CEP152: variants seen among roughly 807,000 people sequenced by gnomAD.
The protein encoded by CEP152 is centrosomal protein of 152 kDa.
CEP152 carries 132 observed loss-of-function variants against 188.9 expected under a neutral mutation model. The ratio of observed to expected loss-of-function variants is 0.70; its 90% CI spans 0.61 to 0.81. The LOEUF is 0.81. Among genes scored for constraint, CEP152 ranks in the 30% least tolerant of loss-of-function variants. The probability of loss-of-function intolerance (pLI) is 0.00; values close to 1 mark genes in which losing one functional copy is unlikely to be tolerated. For missense variants in CEP152, 1,914 were observed against 1,969.8 expected (o/e 0.97, Z 0.54); for synonymous variants, 649 against 666.6 (o/e 0.97, Z 0.41).
At chr15:48,802,378 A>G (rs188208731) in intron 2 of CEP152, among the ~76,000 whole-genome samples, 1 of 152,294 alleles carries the variant, frequency 6.6e-6, no homozygotes, top group Non-Finnish European at 1.5e-5. Flanking sequence ...TGTGACAATT[A>G]ATTGATATTA....
In CEP152 at chr15:48,739,060, A is replaced by G. The variant is rs767421643; in HGVS notation, c.4322T>C (p.Leu1441Ser). ...IKHVGSKETH[L>S]EFQFGDGSCK... ...ACTACCATCCCCAAACTGGAATTCC[A>G]AATGTGTCTCTTTGGATCCCACATG... The change falls in exon 27 of 27, where the codon TTG becomes TCG. Residue 1441 changes from leucine to serine, a missense_variant. Physicochemically the swap from Leu to Ser is moderately radical, Grantham distance 145. Transcript: ENST00000380950. The G allele has an allele frequency of 6.2e-7, 1 of 1,614,204 alleles. No individual in the cohort carries two copies. Among genetic ancestry groups the G allele is most frequent in the Non-Finnish European group, 8.5e-7 (1 of 1,180,022 alleles).
At chr15:48,740,764 C>T (rs1241048202) in intron 26 of CEP152, 1 of 151,166 alleles carries the variant, frequency 6.6e-6, no homozygotes, top group Non-Finnish European at 1.5e-5. Context: ...CAAGTCGGCT[C>T]CCAGTTCCTG....
chr15:48,798,682 G>A (rs1018801505), intron 2 of CEP152, among the ~76,000 whole-genome samples: 4 of 152,166 alleles, frequency 2.6e-5, no homozygotes, highest in Non-Finnish European at 5.9e-5. Flanking sequence ...GATAGCACAT[G>A]CAAAAGCATG....
chr15:48,805,535 C>CTCTTT, intron 2 of CEP152, 28 bp downstream of exon 2: 1 of 1,239,452 alleles, frequency 8.1e-7, no homozygotes, highest in Non-Finnish European at 1.1e-6. Context: ...TTTAGTGTCT[C>CTCTTT]TTTTTTTTTT....
At chr15:48,786,465 A>G (rs895823649) in intron 9 of CEP152, among the ~76,000 whole-genome samples, 2 of 152,214 alleles carry the variant, frequency 1.3e-5, no homozygotes, top group African/African-American at 4.8e-5. Flanking sequence ...TAAGAAAAAC[A>G]CTAATAATTT....
At chr15:48,748,361 AT>A in intron 22 of CEP152, 81 bp downstream of exon 22, 1 of 1,424,830 alleles carries the variant, frequency 7.0e-7, no homozygotes, top group Non-Finnish European at 9.2e-7. Context: ...CAGTGCACAC[AT>A]TAACTAAAAT....
chr15:48,740,614 A>ATT (rs1892882780), intron 26 of CEP152: 2 of 66,388 alleles, frequency 3.0e-5, no homozygotes, highest in African/African-American at 1.4e-4. Context: ...GGTTACTCTT[A>ATT]CTTTTTTTTT....
At chr15:48,797,237 C>G in intron 5 of CEP152, 64 bp downstream of exon 5, 3 of 1,576,050 alleles carry the variant, frequency 1.9e-6, no homozygotes, top group South Asian at 1.1e-5. Context: ...CCTGAACACA[C>G]ACAAACATCA....
At chr15:48,808,017 G>A (rs1164917271) in intron 1 of CEP152, among the ~76,000 whole-genome samples, 1 of 151,998 alleles carries the variant, frequency 6.6e-6, no homozygotes, top group African/African-American at 2.4e-5. Context: ...CTCCCCCACT[G>A]AAGAAGGTAT....
intron 2 of CEP152, 91 bp from the exon 3 acceptor site, chr15:48,798,142 G>A: frequency 1.1e-6 from 1 of 923,346 alleles, no homozygotes. Flanking sequence ...TTTTACTGTA[G>A]AGGTCAAAGA....
At chr15:48,801,939 CA>C (rs541543542) in intron 2 of CEP152, among the ~76,000 whole-genome samples, 2 of 151,594 alleles carry the variant, frequency 1.3e-5, no homozygotes, top group African/African-American at 4.8e-5. Flanking sequence ...ACTAAAAATA[CA>C]AAAAAAATTA....
In CEP152 at chr15:48,772,449, T is replaced by A. The variant is rs202189253; in HGVS notation, c.1782+38A>T. ...TGTAAAAGTTTTCTTTATTGAGCCT[T>A]TTAAAAATGGTTTTTTAACTCTATA... On this transcript the variant is annotated intron_variant, in intron 13 of 26. Transcript: ENST00000380950. 1.9e-6 allele frequency: 3 copies of A among 1,563,626 alleles called. No individual in the cohort carries two copies. In the East Asian group the frequency reaches 6.7e-5, roughly 35 times the overall value.
intron 3 of CEP152, 109 bp from the exon 4 acceptor site, chr15:48,797,839 T>C: frequency 6.6e-7 from 1 of 1,507,864 alleles, no homozygotes; most frequent in East Asian, 2.3e-5. Context: ...TCACCCAAAA[T>C]TTTAAGAATC....
intron 7 of CEP152, among the ~76,000 whole-genome samples, chr15:48,791,880 T>A (rs1050351713): frequency 2.6e-5 from 4 of 151,754 alleles, no homozygotes; most frequent in Non-Finnish European, 4.4e-5. Context: ...ACCAAAAAAA[T>A]TTTTTTAGAG....
downstream of CEP152, among the ~76,000 whole-genome samples, chr15:48,734,689 C>T (rs760270952): frequency 2.0e-5 from 3 of 151,670 alleles, no homozygotes; most frequent in Admixed American, 1.3e-4. Context: ...GAAAGACATG[C>T]CATGCAAACA....
intron 20 of CEP152, 93 bp downstream of exon 20, chr15:48,755,810 T>TA: frequency 6.3e-7 from 1 of 1,587,420 alleles, no homozygotes; most frequent in Non-Finnish European, 8.5e-7. Flanking sequence ...TTACATCTAC[T>TA]AAAATTTAAA....
At position 48,796,111 on chromosome 15, in the gene CEP152, G is replaced by A. The variant is rs772331237; in HGVS notation, c.590C>T (p.Pro197Leu). Residue 197 changes from proline to leucine, a missense_variant, in exon 6 of 27, where the codon CCT becomes CTT. Physicochemically the swap from Pro to Leu is moderately conservative, Grantham distance 98 (BLOSUM62 -3). Transcript: ENST00000380950. ...LEPYNKVTYK[P>L]YQSSAQNNGS... The stretch of plus-strand genomic sequence containing the variant: ...ATTATTCTGGGCAGAAGACTGATAA[G>A]GTTTATATGTCACTTTATTATACGG... 14 of 1,613,694 alleles carry A rather than the reference G, an allele frequency of 8.7e-6. No individual in the cohort carries two copies. In the East Asian group the frequency reaches 3.1e-4, roughly 36 times the overall value.
Position 48,739,132 on chromosome 15 carries a change from C to A in CEP152, c.4250G>T (p.Cys1417Phe), listed in dbSNP as rs770667656. 5 of 1,614,092 alleles carry A rather than the reference C, an allele frequency of 3.1e-6. No individual in the cohort carries two copies. The East Asian group carries it at 1.1e-4, about 36-fold the overall frequency. ...CEQAPKRRAA[C>F]NLQRLLENSE... ...GTTCTCTAACAGCCTTTGTAAGTTA[C>A]AAGCTGCCCTCCTCTTGGGAGCTTG... Residue 1417 changes from cysteine (C) to phenylalanine (F), a missense_variant, in exon 27 of 27, where the codon TGT (cysteine) becomes TTT (phenylalanine). Coordinates refer to ENST00000380950, the MANE Select transcript of CEP152 (RefSeq NM_001194998.2).
intron 7 of CEP152, among the ~76,000 whole-genome samples, 181 bp downstream of exon 7, chr15:48,793,140 A>C (rs1007339719): frequency 6.6e-6 from 1 of 152,172 alleles, no homozygotes; most frequent in Non-Finnish European, 1.5e-5. Context: ...AGCGTGTTCC[A>C]AAGAGAAGTA....
Sources: allele counts gnomAD v4.1 joint callset (sites outside exome capture counted in the v4.1 genomes callset), GRCh38; gene constraint gnomAD v4.1.1; transcripts MANE v1.5; gene names NCBI Gene and HGNC (gene_info 2026-07-23, HGNC 2026-07-21).